DYM: variants seen among roughly 807,000 people sequenced by gnomAD.
DYM encodes the protein dymeclin.
A neutral mutation model predicts 93.1 loss-of-function variants in DYM; 78 were observed. The observed-to-expected ratio is 0.84, with a 90% CI of 0.70 to 1.01. DYM has a LOEUF of 1.01. DYM is among the 50% of genes least tolerant of loss of function. The pLI, the probability that DYM is intolerant of heterozygous loss-of-function variation, is 0.00. For missense variants in DYM, 789 were observed against 845.0 expected, an observed-to-expected ratio of 0.93 and a Z score of 0.82; for synonymous variants, 321 against 319.7, an observed-to-expected ratio of 1.00 and a Z score of -0.04.
intron 2 of DYM, among the ~76,000 whole-genome samples, chr18:49,409,570 T>C (rs746343337): frequency 9.5e-4 from 145 of 152,296 alleles, no homozygotes; most frequent in Non-Finnish European, 1.1e-3. Flanking sequence ...TATCCCTTCA[T>C]TCATCAACAG....
intron 5 of DYM, among the ~76,000 whole-genome samples, chr18:49,364,985 C>G (rs1262817759): frequency 6.6e-6 from 1 of 152,134 alleles, no homozygotes; most frequent in Non-Finnish European, 1.5e-5. Flanking sequence ...ATTATGCCAT[C>G]ATTTTTTGTC....
intron 17 of DYM, 42 bp from the exon 18 acceptor site, chr18:49,044,246 T>C (rs367568711): frequency 1.6e-5 from 25 of 1,611,484 alleles, no homozygotes; most frequent in South Asian, 3.3e-5. Context: ...CACAGTTCCA[T>C]GCACAAGCAA....
At chr18:49,384,451 C>A (rs556075459) in intron 3 of DYM, among the ~76,000 whole-genome samples, 138 of 151,120 alleles carry the variant, frequency 9.1e-4, no homozygotes, top group African/African-American at 3.2e-3. Flanking sequence ...TATGGTGAAA[C>A]CCCATCTCTA....
chr18:49,051,707 T>C (rs2072468566), intron 17 of DYM, among the ~76,000 whole-genome samples: 1 of 152,234 alleles, frequency 6.6e-6, no homozygotes, highest in South Asian at 2.1e-4. Flanking sequence ...TTGAAGCTGC[T>C]GTTGAGCTGC....
intron 13 of DYM, among the ~76,000 whole-genome samples, chr18:49,223,584 G>A (rs1205847317): frequency 2.0e-5 from 3 of 152,204 alleles, no homozygotes; most frequent in African/African-American, 7.2e-5. Context: ...AATATTAAGG[G>A]AAGTGTTGTT....
chr18:49,413,945 G>C (rs1330115685), intron 2 of DYM, among the ~76,000 whole-genome samples: 7 of 151,878 alleles, frequency 4.6e-5, no homozygotes, highest in African/African-American at 1.7e-4. Flanking sequence ...AGGAGGCGGA[G>C]GTTACATTGA....
chr18:49,153,076 G>A (rs1037715202), intron 15 of DYM, among the ~76,000 whole-genome samples: 5 of 152,144 alleles, frequency 3.3e-5, no homozygotes, highest in Admixed American at 6.6e-5. Flanking sequence ...TATTGTACAC[G>A]TGATATTTGC....
At chr18:49,432,660 G>A (rs2080448218) in intron 1 of DYM, among the ~76,000 whole-genome samples, 1 of 141,618 alleles carries the variant, frequency 7.1e-6, no homozygotes. Flanking sequence ...GTACAATGCT[G>A]GAGTACAGTG....
At chr18:49,087,719 G>C (rs950896927) in intron 17 of DYM, among the ~76,000 whole-genome samples, 5 of 152,126 alleles carry the variant, frequency 3.3e-5, no homozygotes, top group African/African-American at 1.2e-4. Flanking sequence ...GGTTGAACTA[G>C]TTTACAGTCC....
Position 49,292,613 on chromosome 18 carries a change from A to ACAAAACAAAAC in DYM, c.764-5998_764-5997insGTTTTGTTTTG, listed in dbSNP as rs1568188947. 2.2e-4 allele frequency among the ~76,000 whole-genome samples: 31 copies of ACAAAACAAAAC among 139,024 alleles called. 1 individual carries two copies. The highest frequency in any genetic ancestry group is 8.7e-4 in the African/African-American group (31 of 35,682). 91.2% of individuals were successfully genotyped at this position (139,024 alleles called of 152,430 possible). The stretch of plus-strand genomic sequence containing the variant: ...GTTGGAAAAAAAAAAAAAAAAAAAA[A>ACAAAACAAAAC]AAAAAAAAAAAACCCCCACAAAAAC... On this transcript the variant is annotated intron_variant, in intron 8 of 17. Coordinates refer to ENST00000675505, the MANE Select transcript of DYM (RefSeq NM_001353214.3).
chr18:49,109,240 G>A (rs1299494973), intron 16 of DYM, among the ~76,000 whole-genome samples: 1 of 152,034 alleles, frequency 6.6e-6, no homozygotes, highest in Non-Finnish European at 1.5e-5. Context: ...TTAAATACAT[G>A]GATGGATTTT....
At chr18:49,242,916 G>T (rs1337953988) in intron 13 of DYM, among the ~76,000 whole-genome samples, 1 of 152,078 alleles carries the variant, frequency 6.6e-6, no homozygotes, top group Non-Finnish European at 1.5e-5. Flanking sequence ...TAGCCAGGAT[G>T]GTCTCGATCT....
In DYM at chr18:49,099,479, G is replaced by A. The variant is rs1432976449; in HGVS notation, c.1912-1964C>T. 3.9e-5 allele frequency among the ~76,000 whole-genome samples: 6 copies of A among 152,170 alleles called. No homozygotes were observed. The East Asian group carries it at 1.2e-3, about 29-fold the overall frequency. Reference sequence around the variant, plus strand: ...ACACATCTACAAGTAAAAAAATGAGGATGTGCTTGCAATATATGTTCTAGT... The same window carrying A: ...ACACATCTACAAGTAAAAAAATGAGAATGTGCTTGCAATATATGTTCTAGT... On this transcript the variant is annotated intron_variant, in intron 16 of 17. Transcript: ENST00000675505.
rs72642443 is a variant in DYM at position 49,113,470 on chromosome 18, C to T, written c.1911+5274G>A. 1.7e-3 allele frequency among the ~76,000 whole-genome samples: 262 copies of T among 152,284 alleles called. 8 individuals are homozygous for T. In the East Asian group the frequency reaches 0.047, roughly 27 times the overall value. ...GCACTTGAAAAACATCTATCTAATT[C>T]CTTCTGCAGACGTTAAAAGTGCTCC... On this transcript the variant is annotated intron_variant, in intron 16 of 17. Transcript: ENST00000675505.
chr18:49,341,794 C>T (rs1394613884), intron 6 of DYM, among the ~76,000 whole-genome samples: 2 of 152,192 alleles, frequency 1.3e-5, no homozygotes, highest in Non-Finnish European at 2.9e-5. Flanking sequence ...GCTCCTCCCA[C>T]AGTTCCCAGA....
At chr18:49,128,221 C>T (rs1186713606) in intron 15 of DYM, among the ~76,000 whole-genome samples, 4 of 152,238 alleles carry the variant, frequency 2.6e-5, no homozygotes, top group African/African-American at 9.6e-5. Flanking sequence ...AGGCCACTTG[C>T]AGTGGACAGA....
At chr18:49,166,669 A>G (rs2087917580) in intron 14 of DYM, among the ~76,000 whole-genome samples, 1 of 152,168 alleles carries the variant, frequency 6.6e-6, no homozygotes. Context: ...TGCATACAGA[A>G]GGAAATCAGT....
At chr18:49,369,257 A>G (rs946086034) in intron 5 of DYM, among the ~76,000 whole-genome samples, 1 of 152,208 alleles carries the variant, frequency 6.6e-6, no homozygotes, top group Non-Finnish European at 1.5e-5. Context: ...CCCTCGTCTC[A>G]GTAGGCCACC....
intron 15 of DYM, among the ~76,000 whole-genome samples, chr18:49,138,514 G>A (rs1471804635): frequency 6.6e-6 from 1 of 152,118 alleles, no homozygotes; most frequent in East Asian, 1.9e-4. Context: ...GTAATTTACT[G>A]GTTTTGGTAG....
Sources: allele counts gnomAD v4.1 joint callset (sites outside exome capture counted in the v4.1 genomes callset), GRCh38; gene constraint gnomAD v4.1.1; transcripts MANE v1.5; gene names NCBI Gene and HGNC (gene_info 2026-07-23, HGNC 2026-07-21).